The following OR4D11 variants were observed in gnomAD, a reference collection of about 807,000 sequenced individuals.
OR4D11 encodes the protein olfactory receptor 4D11.
A neutral mutation model predicts 11.7 loss-of-function variants in OR4D11; 11 were observed. The observed-to-expected ratio is 0.94, with a 90% CI of 0.59 to 1.56. The LOEUF (loss-of-function observed/expected upper bound fraction) is 1.56, where lower values mean the gene tolerates loss of function less well. Ranked by LOEUF, OR4D11 falls within the 40% of genes most tolerant of loss-of-function variation. The pLI, the probability that OR4D11 is intolerant of heterozygous loss-of-function variation, is 0.00. For missense variants in OR4D11, 384 were observed against 373.9 expected, an observed-to-expected ratio of 1.03 and a Z score of -0.22; for synonymous variants, 165 against 150.0, an observed-to-expected ratio of 1.10 and a Z score of -0.73.
Position 59,503,834 on chromosome 11 carries a change from T to C in OR4D11, c.259T>C (p.Ser87Pro), listed in dbSNP as rs1298599638. The change falls in exon 1 of 1, where the codon TCA (serine) becomes CCA (proline). Residue 87 changes from serine (S) to proline (P), a missense_variant. Coordinates refer to ENST00000313253, the MANE Select transcript of OR4D11 (RefSeq NM_001004706.1). ...TAPKVLLDLL[S>P]KKKTISYTSC... Reference sequence around the variant, plus strand: ...TCCTAAAGTCTTGCTGGACCTTCTGTCAAAGAAAAAGACCATATCCTATAC... The same window carrying C: ...TCCTAAAGTCTTGCTGGACCTTCTGCCAAAGAAAAAGACCATATCCTATAC... 1 of 1,613,956 alleles carries C rather than the reference T, an allele frequency of 6.2e-7. No individual in the cohort carries two copies. Among genetic ancestry groups the C allele is most frequent in the Admixed American group, 1.7e-5 (1 of 60,014 alleles).
In OR4D11 at chr11:59,504,034, T is replaced by A. The variant is rs768069144; in HGVS notation, c.459T>A (p.Phe153Leu). The change falls in exon 1 of 1, where the codon TTT (phenylalanine) becomes TTA (leucine). Residue 153 changes from phenylalanine (F) to leucine (L), a missense_variant. Phe to Leu is a conservative substitution (Grantham distance 22). Transcript: ENST00000313253. ...ALISASWMGG[F>L]VHSIVQISLL... ...TCTCTGCCTCTTGGATGGGGGGCTT[T>A]GTCCACTCCATCGTGCAGATCTCCC... 6.2e-7 allele frequency: 1 copy of A among 1,613,916 alleles called. No homozygotes were observed. Among genetic ancestry groups the A allele is most frequent in the East Asian group, 2.2e-5 (1 of 44,896 alleles).
Position 59,503,892 on chromosome 11 carries a change from T to G in OR4D11, c.317T>G (p.Leu106Arg), listed in dbSNP as rs1859228504. ...SCMTQIFLFH[L>R]LGGADIFSLS... is the part of the protein sequence containing the mutation. ...ATGACACAGATATTTCTCTTCCACCTCCTTGGTGGGGCAGACATTTTTTCT... is the reference window on the plus strand; with the variant it reads ...ATGACACAGATATTTCTCTTCCACCGCCTTGGTGGGGCAGACATTTTTTCT... Residue 106 changes from leucine (L) to arginine (R), a missense_variant, in exon 1 of 1, where the codon CTC becomes CGC. Physicochemically the swap from Leu to Arg is moderately radical, Grantham distance 102. Transcript: ENST00000313253. 6.2e-7 allele frequency: 1 copy of G among 1,613,146 alleles called. No individual in the cohort carries two copies. The highest frequency in any genetic ancestry group is 8.5e-7 in the Non-Finnish European group (1 of 1,179,178).
Position 59,504,425 on chromosome 11 carries a change from C to T in OR4D11, c.850C>T (p.Pro284Ser), listed in dbSNP as rs753611447. 1 of 1,474,610 alleles carries T rather than the reference C, an allele frequency of 6.8e-7. No individual in the cohort carries two copies. The highest frequency in any genetic ancestry group is 9.0e-7 in the Non-Finnish European group (1 of 1,107,196). 91.3% of individuals were successfully genotyped at this position (1,474,610 alleles called of 1,614,324 possible). Reference sequence around the variant, plus strand: ...CACTGTCATCTCCCCTCTGCTGAACCCTTTGATCTACACTCTGAGGAACCA... The same window carrying T: ...CACTGTCATCTCCCCTCTGCTGAACTCTTTGATCTACACTCTGAGGAACCA... ...TFTVISPLLNPLIYTLRNQEM... is the reference protein window; with the variant it reads ...TFTVISPLLNSLIYTLRNQEM... The change falls in exon 1 of 1, where the codon CCT becomes TCT. Residue 284 changes from proline to serine, a missense_variant. Physicochemically the swap from Pro to Ser is moderately conservative, Grantham distance 74 (BLOSUM62 -1). Coordinates refer to ENST00000313253, the MANE Select transcript of OR4D11 (RefSeq NM_001004706.1).
rs755431598 is a variant in OR4D11, at chr11:59,504,246, C to A, written c.671C>A (p.Thr224Lys). ...LLVSYTVILMTLRSQAGGGRR... is the reference protein window; with the variant it reads ...LLVSYTVILMKLRSQAGGGRR... ...GTGTCCTACACAGTCATCCTAATGA[C>A]GCTGAGGTCTCAGGCAGGAGGGGGC... Residue 224 changes from threonine to lysine, a missense_variant, in exon 1 of 1, where the codon ACG (threonine) becomes AAG (lysine). Thr to Lys is a moderately conservative substitution (Grantham distance 78, BLOSUM62 -1). Transcript: ENST00000313253. 5.3e-5 allele frequency: 85 copies of A among 1,614,058 alleles called. No homozygotes were observed. The highest frequency in any genetic ancestry group is 6.9e-5 in the Non-Finnish European group (81 of 1,180,046).
Position 59,503,943 on chromosome 11 carries a change from A to G in OR4D11, c.368A>G (p.Tyr123Cys), listed in dbSNP as rs148171675. 1 of 1,613,914 alleles carries G rather than the reference A, an allele frequency of 6.2e-7. No individual in the cohort carries two copies. The highest frequency in any genetic ancestry group is 8.5e-7 in the Non-Finnish European group (1 of 1,179,902). ...FSLSVMAFDCYMAISKPLHYV... is the reference protein window; with the variant it reads ...FSLSVMAFDCCMAISKPLHYV... ...CTCTCTGTGATGGCGTTTGACTGCT[A>G]CATGGCCATCTCCAAGCCCCTGCAC... The change falls in exon 1 of 1, where the codon TAC becomes TGC. Residue 123 changes from tyrosine to cysteine, a missense_variant. Coordinates refer to ENST00000313253, the MANE Select transcript of OR4D11 (RefSeq NM_001004706.1).
In OR4D11 at chr11:59,503,634, C is replaced by T. The variant is rs1859223452; in HGVS notation, c.59C>T (p.Ser20Phe). The T allele has an allele frequency of 5.7e-6, 9 of 1,585,518 alleles. No homozygotes were observed. The South Asian group carries it at 7.8e-5, about 14-fold the overall frequency. The change falls in exon 1 of 1, where the codon TCC (serine) becomes TTC (phenylalanine). Residue 20 changes from serine (S) to phenylalanine (F), a missense_variant. Transcript: ENST00000313253. ...TTTATATTTCTGGGACTTACTCAAT[C>T]CCAAGACCAGAGTTTGGTCTTGTTT... ...KEFIFLGLTQSQDQSLVLFLF... is the reference protein window; with the variant it reads ...KEFIFLGLTQFQDQSLVLFLF...
Position 59,504,067 on chromosome 11 carries a change from G to C in OR4D11, c.492G>C (p.Leu164=), listed in dbSNP as rs780177144. The C allele has an allele frequency of 5.0e-6, 8 of 1,613,692 alleles. No individual in the cohort carries two copies. In the East Asian group the frequency reaches 1.6e-4, roughly 31 times the overall value. The change falls in exon 1 of 1, where the codon CTG becomes CTC. Residue 164 remains leucine, a synonymous_variant. Coordinates refer to ENST00000313253, the MANE Select transcript of OR4D11 (RefSeq NM_001004706.1). The part of the protein sequence containing the change: ...VHSIVQISLL[L]PLPFCGPNVL... ...CCATCGTGCAGATCTCCCTGTTGCT[G>C]CCTCTCCCTTTCTGTGGACCCAATG...
rs368326667 is a variant in OR4D11, at chr11:59,503,965, G to A, written c.390G>A (p.Leu130=). Residue 130 remains leucine, a synonymous_variant, in exon 1 of 1, where the codon CTG becomes CTA. Coordinates refer to ENST00000313253, the MANE Select transcript of OR4D11 (RefSeq NM_001004706.1). Reference sequence around the variant, plus strand: ...GCTACATGGCCATCTCCAAGCCCCTGCACTATGTGACCATCATGAGTAGAG... The same window carrying A: ...GCTACATGGCCATCTCCAAGCCCCTACACTATGTGACCATCATGAGTAGAG... ...FDCYMAISKP[L]HYVTIMSRGQ... is the part of the protein sequence containing the mutation. The A allele has an allele frequency of 6.2e-7, 1 of 1,613,980 alleles. No individual in the cohort carries two copies. The highest frequency in any genetic ancestry group is 1.3e-5 in the African/African-American group (1 of 74,904).
Position 59,504,186 on chromosome 11 carries a change from G to A in OR4D11, c.611G>A (p.Gly204Asp), listed in dbSNP as rs773865524. 4 of 1,614,148 alleles carry A rather than the reference G, an allele frequency of 2.5e-6. No individual in the cohort carries two copies. Among genetic ancestry groups the A allele is most frequent in the Non-Finnish European group, 2.5e-6 (3 of 1,180,026 alleles). Residue 204 changes from glycine (G) to aspartate (D), a missense_variant, in exon 1 of 1, where the codon GGC becomes GAC. Coordinates refer to ENST00000313253, the MANE Select transcript of OR4D11 (RefSeq NM_001004706.1). ...ALEFLMISNNGLVTTLWFIFL... is the reference protein window; with the variant it reads ...ALEFLMISNNDLVTTLWFIFL... ...GAGTTCTTGATGATTTCCAACAATG[G>A]CCTGGTCACTACCCTGTGGTTTATC...
rs746204941 is a variant in OR4D11, at chr11:59,503,672, C to A, written c.97C>A (p.Leu33Ile). Reference protein sequence around the residue: ...QSLVLFLFLCLVYMTTLLGNL... With the variant: ...QSLVLFLFLCIVYMTTLLGNL... ...TTTGGTCTTGTTTCTTTTTTTATGT[C>A]TTGTGTACATGACGACTCTGCTGGG... The change falls in exon 1 of 1, where the codon CTT (leucine) becomes ATT (isoleucine). Residue 33 changes from leucine (L) to isoleucine (I), a missense_variant. Physicochemically the swap from Leu to Ile is conservative, Grantham distance 5 (BLOSUM62 2). Coordinates refer to ENST00000313253, the MANE Select transcript of OR4D11 (RefSeq NM_001004706.1). The A allele has an allele frequency of 6.2e-6, 10 of 1,602,332 alleles. No individual in the cohort carries two copies. The East Asian group carries it at 2.2e-4, about 36-fold the overall frequency.
In OR4D11 at chr11:59,504,307, C is replaced by T; in HGVS notation, c.732C>T (p.Ile244=). 3.7e-6 allele frequency: 6 copies of T among 1,614,196 alleles called. No homozygotes were observed. The highest frequency in any genetic ancestry group is 5.1e-6 in the Non-Finnish European group (6 of 1,180,046). ...CCATCTCCACTTGCACCTCCCACAT[C>T]ACTGTGGTGACCCTGCATTTTGTGC... is the stretch of plus-strand genomic sequence containing the variant. ...RKAISTCTSH[I]TVVTLHFVPC... is the part of the protein sequence containing the mutation. Residue 244 remains isoleucine, a synonymous_variant, in exon 1 of 1, where the codon ATC becomes ATT. Transcript: ENST00000313253.
chr11:59,504,489 T>A lies in OR4D11; in HGVS notation c.914T>A (p.Leu305His), dbSNP rs139465510. Residue 305 changes from leucine (L) to histidine (H), a missense_variant, in exon 1 of 1, where the codon CTC (leucine) becomes CAC (histidine). Leu to His is a moderately conservative substitution (Grantham distance 99, BLOSUM62 -3). Coordinates refer to ENST00000313253, the MANE Select transcript of OR4D11 (RefSeq NM_001004706.1). Reference protein sequence around the residue: ...KSAMRRLKRRLVPSERE With the variant: ...KSAMRRLKRRHVPSERE ...GCCATGAGAAGACTGAAGAGAAGAC[T>A]CGTGCCTTCTGAAAGGGAATAGAAA... 1 of 1,613,086 alleles carries A rather than the reference T, an allele frequency of 6.2e-7. No homozygotes were observed.
rs922009780 is a variant in OR4D11 at position 59,503,821 on chromosome 11, G to A, written c.246G>A (p.Leu82=). 15 of 1,613,608 alleles carry A rather than the reference G, an allele frequency of 9.3e-6. No homozygotes were observed. Among genetic ancestry groups the A allele is most frequent in the African/African-American group, 1.3e-5 (1 of 74,892 alleles). ...CCTCCACAACTGCTCCTAAAGTCTT[G>A]CTGGACCTTCTGTCAAAGAAAAAGA... ...CFSSTTAPKV[L]LDLLSKKKTI... is the part of the protein sequence containing the mutation. The change falls in exon 1 of 1, where the codon TTG becomes TTA. Residue 82 remains leucine (L), a synonymous_variant. Coordinates refer to ENST00000313253, the MANE Select transcript of OR4D11 (RefSeq NM_001004706.1).
Position 59,504,487 on chromosome 11 carries a change from A to T in OR4D11, c.912A>T (p.Arg304Ser). 6.2e-7 allele frequency: 1 copy of T among 1,613,242 alleles called. No individual in the cohort carries two copies. Among genetic ancestry groups the T allele is most frequent in the Non-Finnish European group, 8.5e-7 (1 of 1,179,486 alleles). ...MKSAMRRLKRRLVPSERE is the reference protein window; with the variant it reads ...MKSAMRRLKRSLVPSERE ...CAGCCATGAGAAGACTGAAGAGAAGACTCGTGCCTTCTGAAAGGGAATAGA... is the reference window on the plus strand; with the variant it reads ...CAGCCATGAGAAGACTGAAGAGAAGTCTCGTGCCTTCTGAAAGGGAATAGA... Residue 304 changes from arginine to serine, a missense_variant, in exon 1 of 1, where the codon AGA (arginine) becomes AGT (serine). By Grantham distance (110) the Arg-to-Ser change is moderately radical. Transcript: ENST00000313253.
In OR4D11 at chr11:59,504,198, C is replaced by T. The variant is rs377391356; in HGVS notation, c.623C>T (p.Thr208Ile). 6.2e-7 allele frequency: 1 copy of T among 1,614,088 alleles called. No homozygotes were observed. Among genetic ancestry groups the T allele is most frequent in the Non-Finnish European group, 8.5e-7 (1 of 1,180,040 alleles). The change falls in exon 1 of 1, where the codon ACC becomes ATC. Residue 208 changes from threonine (T) to isoleucine (I), a missense_variant. Coordinates refer to ENST00000313253, the MANE Select transcript of OR4D11 (RefSeq NM_001004706.1). ...LMISNNGLVT[T>I]LWFIFLLVSY... ...ATTTCCAACAATGGCCTGGTCACTACCCTGTGGTTTATCTTCCTGCTTGTG... is the reference window on the plus strand; with the variant it reads ...ATTTCCAACAATGGCCTGGTCACTATCCTGTGGTTTATCTTCCTGCTTGTG...
Position 59,504,056 on chromosome 11 carries a change from T to A in OR4D11, c.481T>A (p.Ser161Thr), listed in dbSNP as rs1859231799. 1 of 1,614,132 alleles carries A rather than the reference T, an allele frequency of 6.2e-7. No homozygotes were observed. The highest frequency in any genetic ancestry group is 2.2e-5 in the East Asian group (1 of 44,880). ...GGFVHSIVQI[S>T]LLLPLPFCGP... is the part of the protein sequence containing the mutation. ...CTTTGTCCACTCCATCGTGCAGATC[T>A]CCCTGTTGCTGCCTCTCCCTTTCTG... Residue 161 changes from serine to threonine, a missense_variant, in exon 1 of 1, where the codon TCC becomes ACC. Transcript: ENST00000313253.
In OR4D11 at chr11:59,503,777, A is replaced by G. The variant is rs773292893; in HGVS notation, c.202A>G (p.Ile68Val). Residue 68 changes from isoleucine (I) to valine (V), a missense_variant, in exon 1 of 1, where the codon ATC (isoleucine) becomes GTC (valine). Coordinates refer to ENST00000313253, the MANE Select transcript of OR4D11 (RefSeq NM_001004706.1). ...GTACTTCCTGCTCCGCAATCTAGCC[A>G]TCCTTGACATCTGCTTCTCCTCCAC... ...PMYFLLRNLA[I>V]LDICFSSTTA... The G allele has an allele frequency of 1.7e-5, 27 of 1,613,370 alleles. No individual in the cohort carries two copies. In the Admixed American group the frequency reaches 3.3e-4, roughly 20 times the overall value.
Position 59,503,787 on chromosome 11 carries a change from T to G in OR4D11, c.212T>G (p.Ile71Ser). 1 of 1,613,470 alleles carries G rather than the reference T, an allele frequency of 6.2e-7. No homozygotes were observed. Among genetic ancestry groups the G allele is most frequent in the South Asian group, 1.1e-5 (1 of 91,050 alleles). Residue 71 changes from isoleucine to serine, a missense_variant, in exon 1 of 1, where the codon ATC becomes AGC. Coordinates refer to ENST00000313253, the MANE Select transcript of OR4D11 (RefSeq NM_001004706.1). ...CTCCGCAATCTAGCCATCCTTGACA[T>G]CTGCTTCTCCTCCACAACTGCTCCT... ...FLLRNLAILD[I>S]CFSSTTAPKV... is the part of the protein sequence containing the mutation.
chr11:59,504,203 T>C lies in OR4D11; in HGVS notation c.628T>C (p.Trp210Arg). 1 of 1,614,208 alleles carries C rather than the reference T, an allele frequency of 6.2e-7. No individual in the cohort carries two copies. The highest frequency in any genetic ancestry group is 8.5e-7 in the Non-Finnish European group (1 of 1,180,038). Reference protein sequence around the residue: ...ISNNGLVTTLWFIFLLVSYTV... With the variant: ...ISNNGLVTTLRFIFLLVSYTV... ...CAACAATGGCCTGGTCACTACCCTG[T>C]GGTTTATCTTCCTGCTTGTGTCCTA... The change falls in exon 1 of 1, where the codon TGG becomes CGG. Residue 210 changes from tryptophan (W) to arginine (R), a missense_variant. Physicochemically the swap from Trp to Arg is moderately radical, Grantham distance 101. Transcript: ENST00000313253.
Sources: gnomAD v4.1 joint callset for allele counts on GRCh38, gnomAD v4.1.1 for gene constraint, MANE v1.5 for transcripts, NCBI Gene and HGNC (gene_info 2026-07-23, HGNC 2026-07-21) for gene names.